The following RAB22A variants were observed in gnomAD, a reference collection of about 807,000 sequenced individuals.
The protein encoded by RAB22A is RAB22A, member RAS oncogene family.
Under a neutral mutation model 30.2 loss-of-function variants are expected in RAB22A, and 13 were observed. The ratio of observed to expected loss-of-function variants is 0.43; its 90% CI spans 0.28 to 0.68. The LOEUF is 0.68. RAB22A is among the 30% of genes least tolerant of loss of function. The pLI is 0.18. For synonymous variants in RAB22A, 89 were observed against 87.2 expected, an observed-to-expected ratio of 1.02 and a Z score of -0.11; for missense variants, 177 against 246.8, an observed-to-expected ratio of 0.72 and a Z score of 1.89.
At position 58,324,865 on chromosome 20, in the gene RAB22A, C is replaced by CA. The variant is rs35375006; in HGVS notation, c.116+13766dup. ...CTGGTGACAGAGCGAGACTCCGTCT[C>CA]AAAAAAAAAAAAAAAAAAAAAAACT... On this transcript the variant is annotated intron_variant, in intron 2 of 6. Coordinates refer to ENST00000244040, the MANE Select transcript of RAB22A (RefSeq NM_020673.3). Among the ~76,000 whole-genome samples, 212 of 29,440 alleles carry CA rather than the reference C, an allele frequency of 7.2e-3. 1 individual carries two copies. The highest frequency in any genetic ancestry group is 0.015 in the East Asian group (14 of 910). The allele number at this position is 29,440 out of a possible 152,430, so 19.3% of individuals were successfully genotyped here.
Position 58,360,853 on chromosome 20 carries a change from G to A in RAB22A, c.*1150G>A, listed in dbSNP as rs1987213932. The A allele has an allele frequency of 6.6e-6, 1 of 152,534 alleles. No homozygotes were observed. The highest frequency in any genetic ancestry group is 2.4e-5 in the African/African-American group (1 of 41,414). The allele number at this position is 152,534 out of a possible 1,614,324, so 9.4% of individuals were successfully genotyped here. A position where few individuals can be genotyped will look rare whatever the true frequency, so the allele number is the denominator to read the frequency against. ...GATCCCATCTGGAAATCATAATAAA[G>A]ACATATGCCACTTTGACAAACCTGA... is the stretch of plus-strand genomic sequence containing the variant. On this transcript the variant is annotated 3_prime_UTR_variant, in exon 7 of 7. Transcript: ENST00000244040.
intron 2 of RAB22A, among the ~76,000 whole-genome samples, chr20:58,338,240 T>G (rs975268179): frequency 6.6e-6 from 1 of 152,298 alleles, no homozygotes; most frequent in South Asian, 2.1e-4. Context: ...TTGGTCAAAC[T>G]GGTCTTGAAC....
At chr20:58,318,649 C>T (rs1986391489) in intron 2 of RAB22A, among the ~76,000 whole-genome samples, 1 of 152,052 alleles carries the variant, frequency 6.6e-6, no homozygotes, top group African/African-American at 2.4e-5. Context: ...CTCTCCTCCC[C>T]GCCTCCTGTT....
chr20:58,321,887 A>G lies in RAB22A; in HGVS notation c.116+10765A>G, dbSNP rs117496943. On this transcript the variant is annotated intron_variant, in intron 2 of 6. Transcript: ENST00000244040. ...GCAGTCACAGCTCACTGCAGCCTCA[A>G]CTTCCCAGACTCAAGTGATCCTCCT... 6.2e-4 allele frequency among the ~76,000 whole-genome samples: 94 copies of G among 152,314 alleles called. 1 individual carries two copies. In the East Asian group the frequency reaches 0.017, roughly 27 times the overall value.
At chr20:58,338,087 C>T (rs560354673) in intron 2 of RAB22A, among the ~76,000 whole-genome samples, 6 of 151,588 alleles carry the variant, frequency 4.0e-5, no homozygotes, top group African/African-American at 1.2e-4. Flanking sequence ...AGTGCTATGG[C>T]GCAATCTCAG....
intron 3 of RAB22A, 41 bp downstream of exon 3, chr20:58,343,840 A>G (rs1600736659): frequency 6.7e-7 from 1 of 1,482,720 alleles, no homozygotes; most frequent in Admixed American, 1.7e-5. Context: ...CTGAGGCCCA[A>G]ATGAAAGTTC....
chr20:58,345,672 A>T (rs1476543128), intron 3 of RAB22A: 1 of 152,304 alleles, frequency 6.6e-6, no homozygotes, highest in Non-Finnish European at 1.5e-5. Context: ...GGAAAGCCAC[A>T]CACCTGACAG....
At chr20:58,350,650 A>G (rs1600740214) in intron 3 of RAB22A, among the ~76,000 whole-genome samples, 1 of 152,368 alleles carries the variant, frequency 6.6e-6, no homozygotes, top group South Asian at 2.1e-4. Flanking sequence ...TAAAGTGTGG[A>G]AAGCAAAAAC....
At position 58,352,426 on chromosome 20, in the gene RAB22A, C is replaced by T. The variant is rs550405479; in HGVS notation, c.199-847C>T. 3.2e-4 allele frequency among the ~76,000 whole-genome samples: 48 copies of T among 152,176 alleles called. 1 individual carries two copies. In the South Asian group the frequency reaches 8.5e-3, roughly 27 times the overall value. On this transcript the variant is annotated intron_variant, in intron 3 of 6. Coordinates refer to ENST00000244040, the MANE Select transcript of RAB22A (RefSeq NM_020673.3). ...CAGGCTTCAGAGTCAGGGTGCAAGA[C>T]GAAAATTAAGTATAGGCAAAATTCT...
chr20:58,344,186 TAA>T (rs1391387247), intron 3 of RAB22A, among the ~76,000 whole-genome samples: 1 of 152,220 alleles, frequency 6.6e-6, no homozygotes. Flanking sequence ...TTTTAAAAGC[TAA>T]AGAGGGAACT....
intron 3 of RAB22A, among the ~76,000 whole-genome samples, chr20:58,352,900 A>G (rs940817682): frequency 6.6e-6 from 1 of 152,222 alleles, no homozygotes; most frequent in Non-Finnish European, 1.5e-5. Flanking sequence ...CTGGAGAACT[A>G]TTTATAGCAT....
Position 58,346,600 on chromosome 20 carries a change from A to G in RAB22A, c.198+2801A>G, listed in dbSNP as rs114953404. 3.5e-3 allele frequency among the ~76,000 whole-genome samples: 540 copies of G among 152,276 alleles called. 3 individuals are homozygous for G. The highest frequency in any genetic ancestry group is 0.012 in the African/African-American group (517 of 41,564). On this transcript the variant is annotated intron_variant, in intron 3 of 6. Transcript: ENST00000244040. ...CAGGGCCCCAACTTTGTTCTTCATT[A>G]CTGCCCTTACTCATTTTCCTCAGAA...
At chr20:58,320,525 C>T (rs768984873) in intron 2 of RAB22A, among the ~76,000 whole-genome samples, 2 of 152,036 alleles carry the variant, frequency 1.3e-5, no homozygotes, top group South Asian at 2.1e-4. Flanking sequence ...CAATTTTATT[C>T]GTCTTCTCAA....
intron 2 of RAB22A, among the ~76,000 whole-genome samples, chr20:58,327,130 A>G (rs977497830): frequency 1.3e-5 from 2 of 152,206 alleles, no homozygotes; most frequent in Non-Finnish European, 2.9e-5. Context: ...CTGTCTCCAA[A>G]AAAACAAAAA....
intron 2 of RAB22A, among the ~76,000 whole-genome samples, chr20:58,319,976 T>G (rs1986420480): frequency 6.6e-6 from 1 of 152,192 alleles, no homozygotes; most frequent in Admixed American, 6.5e-5. Context: ...TAAGATAAAT[T>G]TCTCTTGGTC....
rs1986553259 is a variant in RAB22A at position 58,325,492 on chromosome 20, A to G, written c.116+14370A>G. ...ACTCCGTCTCAAAAAAAAAACAAAA[A>G]ACTTGACTGTGGCTTTTGCTGGATC... is the stretch of plus-strand genomic sequence containing the variant. On this transcript the variant is annotated intron_variant, in intron 2 of 6. Transcript: ENST00000244040. Among the ~76,000 whole-genome samples the G allele has an allele frequency of 1.3e-5, 2 of 152,154 alleles. 1 individual carries two copies. The highest frequency in any genetic ancestry group is 4.1e-4 in the South Asian group (2 of 4,830).
At chr20:58,323,124 A>ATC (rs1262240872) in intron 2 of RAB22A, among the ~76,000 whole-genome samples, 3 of 152,184 alleles carry the variant, frequency 2.0e-5, no homozygotes, top group Non-Finnish European at 2.9e-5. Flanking sequence ...TTTCATATAT[A>ATC]TTAGGATTCT....
At chr20:58,326,945 A>C (rs1986579651) in intron 2 of RAB22A, among the ~76,000 whole-genome samples, 2 of 152,122 alleles carry the variant, frequency 1.3e-5, no homozygotes, top group Non-Finnish European at 1.5e-5. Flanking sequence ...GATGTTAGTT[A>C]TAGGTTGCCA....
intron 2 of RAB22A, among the ~76,000 whole-genome samples, chr20:58,313,389 C>G (rs1986269844): frequency 6.6e-6 from 1 of 152,174 alleles, no homozygotes; most frequent in African/African-American, 2.4e-5. Flanking sequence ...CAACCCCAAA[C>G]ATGCCCCTGA....
Sources: allele counts gnomAD v4.1 joint callset (sites outside exome capture counted in the v4.1 genomes callset), GRCh38; gene constraint gnomAD v4.1.1; transcripts MANE v1.5; gene names NCBI Gene and HGNC (gene_info 2026-07-23, HGNC 2026-07-21).